The following PHACTR2 variants were observed in gnomAD, a reference collection of about 807,000 sequenced individuals.
PHACTR2 encodes chromosome 6 open reading frame 56.
In PHACTR2, 30 loss-of-function variants were observed where a neutral mutation model predicts 76.0. The observed-to-expected ratio is 0.39, with a 90% CI of 0.30 to 0.54. The LOEUF is 0.54. Among genes scored for constraint, PHACTR2 ranks in the 20% least tolerant of loss-of-function variants. PHACTR2 has a pLI of 0.61. For missense variants in PHACTR2, 696 were observed against 781.1 expected, an observed-to-expected ratio of 0.89 and a Z score of 1.30; for synonymous variants, 292 against 292.5, an observed-to-expected ratio of 1.00 and a Z score of 0.02.
At position 143,803,645 on chromosome 6, in the gene PHACTR2, C is replaced by T. The variant is rs1442810763; in HGVS notation, c.1846-3412C>T. The stretch of plus-strand genomic sequence containing the variant: ...TCTATTTTGGAAAAATCAGATTCAT[C>T]GAACGATTTTTTGGCCAACAACTGT... On this transcript the variant is annotated intron_variant, in intron 11 of 12. Transcript: ENST00000440869. This position sits in a 1 kb window ranked among gnomAD's most constrained non-coding sequence, Gnocchi z 4.7. Among the ~76,000 whole-genome samples, 4 of 152,124 alleles carry T rather than the reference C, an allele frequency of 2.6e-5. No homozygotes were observed. In the South Asian group the frequency reaches 6.2e-4, roughly 24 times the overall value.
chr6:143,545,677 A>G (rs1774981911), intron 1 of PHACTR2, among the ~76,000 whole-genome samples: 1 of 152,192 alleles, frequency 6.6e-6, no homozygotes, highest in Non-Finnish European at 1.5e-5. Flanking sequence ...TTCAAAATGC[A>G]TACTCTTTTC....
rs934027043 is a variant in PHACTR2 at position 143,823,483 on chromosome 6, G to A, written c.1923-191G>A. 7.2e-5 allele frequency among the ~76,000 whole-genome samples: 11 copies of A among 152,112 alleles called. No homozygotes were observed. The highest frequency in any genetic ancestry group is 1.5e-4 in the Non-Finnish European group (10 of 68,032). ...ATATGTAAACATATATATAAGGAAAGCGTTTATATATGCTTTCCTTAATAA... is the reference window on the plus strand; with the variant it reads ...ATATGTAAACATATATATAAGGAAAACGTTTATATATGCTTTCCTTAATAA... On this transcript the variant is annotated intron_variant, in intron 12 of 12. Transcript: ENST00000440869. The surrounding 1 kb of genome is among the most constrained non-coding windows in gnomAD (Gnocchi z 5.7).
chr6:143,744,466 G>A (rs1441683224), intron 2 of PHACTR2, among the ~76,000 whole-genome samples: 1 of 152,208 alleles, frequency 6.6e-6, no homozygotes, highest in Non-Finnish European at 1.5e-5. Context: ...GGTGACGATG[G>A]GTTTTGCAGG....
At chr6:143,716,882 A>C (rs533288358) in intron 2 of PHACTR2, among the ~76,000 whole-genome samples, 1 of 152,296 alleles carries the variant, frequency 6.6e-6, no homozygotes, top group South Asian at 2.1e-4. Flanking sequence ...GTGGCCCAAC[A>C]TGTGTGGATC....
chr6:143,682,091 A>C (rs897687711), intron 1 of PHACTR2, among the ~76,000 whole-genome samples: 1 of 152,230 alleles, frequency 6.6e-6, no homozygotes, highest in African/African-American at 2.4e-5. Flanking sequence ...TCAACCTGTC[A>C]ATTTCTGCAA....
chr6:143,767,044 G>T lies in PHACTR2; in HGVS notation c.1232+1246G>T, dbSNP rs1779578335. Among the ~76,000 whole-genome samples the T allele has an allele frequency of 6.6e-6, 1 of 152,122 alleles. No homozygotes were observed. Among genetic ancestry groups the T allele is most frequent in the Non-Finnish European group, 1.5e-5 (1 of 68,028 alleles). On this transcript the variant is annotated intron_variant, in intron 6 of 12. Coordinates refer to ENST00000440869, the MANE Select transcript of PHACTR2 (RefSeq NM_001100164.2). The surrounding 1 kb of genome is among the most constrained non-coding windows in gnomAD (Gnocchi z 4.4). ...AAAAATTATTACATTAATTAGGTTGGTTTTGGTCAAGAAACTAAAATATCA... is the reference window on the plus strand; with the variant it reads ...AAAAATTATTACATTAATTAGGTTGTTTTTGGTCAAGAAACTAAAATATCA...
In PHACTR2 at chr6:143,672,606, C is replaced by A. The variant is rs1341310768; in HGVS notation, c.14-39410C>A. ...GCACCTTCAGAATGAATGAGCACCT[C>A]TGTGTGGCAAAAATGTGGATTTAGT... On this transcript the variant is annotated intron_variant, in intron 1 of 11. Coordinates refer to the PHACTR2 transcript ENST00000305766. The surrounding 1 kb of genome is among the most constrained non-coding windows in gnomAD (Gnocchi z 5.8). Among the ~76,000 whole-genome samples, 1 of 152,230 alleles carries A rather than the reference C, an allele frequency of 6.6e-6. No homozygotes were observed. Among genetic ancestry groups the A allele is most frequent in the Non-Finnish European group, 1.5e-5 (1 of 68,034 alleles).
chr6:143,715,690 G>C (rs557210906), intron 2 of PHACTR2, among the ~76,000 whole-genome samples: 3 of 152,208 alleles, frequency 2.0e-5, no homozygotes, highest in Admixed American at 6.5e-5. Flanking sequence ...AAGAGGGAGT[G>C]GAAAAGTACT....
At chr6:143,699,282 C>T (rs1425471438) in intron 1 of PHACTR2, among the ~76,000 whole-genome samples, 1 of 152,158 alleles carries the variant, frequency 6.6e-6, no homozygotes, top group Non-Finnish European at 1.5e-5. Context: ...CTTCTTCTTT[C>T]TTGCATCTTC....
chr6:143,665,779 AT>A (rs1777022408), intron 1 of PHACTR2, among the ~76,000 whole-genome samples: 4 of 152,172 alleles, frequency 2.6e-5, no homozygotes, highest in African/African-American at 4.8e-5. Context: ...AGCCACAGTG[AT>A]TTTTAAAACA....
intron 1 of PHACTR2, among the ~76,000 whole-genome samples, chr6:143,564,863 T>C (rs1339003623): frequency 6.6e-6 from 1 of 152,066 alleles, no homozygotes; most frequent in Non-Finnish European, 1.5e-5. Context: ...TAATGGGAAA[T>C]GTATTGATTG....
chr6:143,623,624 T>C lies in PHACTR2; in HGVS notation c.13+15302T>C, dbSNP rs1776200065. Among the ~76,000 whole-genome samples, 1 of 152,000 alleles carries C rather than the reference T, an allele frequency of 6.6e-6. No homozygotes were observed. The highest frequency in any genetic ancestry group is 2.4e-5 in the African/African-American group (1 of 41,348). ...ATAATAATACCAAATGAGAGAGAAA[T>C]AATTCTGAACTCTTGTTGAAAATCA... On this transcript the variant is annotated intron_variant, in intron 1 of 11. Transcript: ENST00000305766. This position sits in a 1 kb window ranked among gnomAD's most constrained non-coding sequence, Gnocchi z 5.9.
At position 143,795,044 on chromosome 6, in the gene PHACTR2, C is replaced by T. The variant is rs1388059459; in HGVS notation, c.1845+6134C>T. On this transcript the variant is annotated intron_variant, in intron 11 of 12. Coordinates refer to ENST00000440869, the MANE Select transcript of PHACTR2 (RefSeq NM_001100164.2). The surrounding 1 kb of genome is among the most constrained non-coding windows in gnomAD (Gnocchi z 4.8). ...AATCTGGTAGTCTGGTTAAATGGCT[C>T]ATGTTGGAAAAGAGAAGTGGTGGGA... is the stretch of plus-strand genomic sequence containing the variant. Among the ~76,000 whole-genome samples, 1 of 152,072 alleles carries T rather than the reference C, an allele frequency of 6.6e-6. No individual in the cohort carries two copies. Among genetic ancestry groups the T allele is most frequent in the East Asian group, 1.9e-4 (1 of 5,192 alleles).
At position 143,591,354 on chromosome 6, in the gene PHACTR2, A is replaced by G. The variant is rs188902022; in HGVS notation, c.217+54147A>G. Among the ~76,000 whole-genome samples, 448 of 152,320 alleles carry G rather than the reference A, an allele frequency of 2.9e-3. 1 individual carries two copies. The highest frequency in any genetic ancestry group is 0.024 in the Middle Eastern group (7 of 294). On this transcript the variant is annotated intron_variant, in intron 1 of 11. Transcript: ENST00000367584. The surrounding 1 kb of genome is among the most constrained non-coding windows in gnomAD (Gnocchi z 6.4). ...ACTCTGGAATGACCCTGCATCAAGC[A>G]TGTTGAGAAAGAAAGAGAAACTTCC...
chr6:143,594,587 A>C (rs914043451), intron 1 of PHACTR2, among the ~76,000 whole-genome samples: 5 of 152,190 alleles, frequency 3.3e-5, no homozygotes, highest in African/African-American at 1.2e-4. Context: ...ATTCAGCCCC[A>C]CTCCTTCTCT....
intron 2 of PHACTR2, among the ~76,000 whole-genome samples, chr6:143,720,946 TG>T (rs1778428745): frequency 6.6e-6 from 1 of 152,208 alleles, no homozygotes. Context: ...TGCAGCTCCA[TG>T]GCTCCTAACA....
rs1388392105 is a variant in PHACTR2 at position 143,589,523 on chromosome 6, C to T, written c.217+52316C>T. ...TTTTTCTTTATTAATTACTCAGTCT[C>T]AGGTAGTTCTTGCAATGCGAGAACA... On this transcript the variant is annotated intron_variant, in intron 1 of 11. Coordinates refer to the PHACTR2 transcript ENST00000367584. The surrounding 1 kb of genome is among the most constrained non-coding windows in gnomAD (Gnocchi z 4.4). Among the ~76,000 whole-genome samples the T allele has an allele frequency of 6.6e-6, 1 of 152,116 alleles. No homozygotes were observed. The highest frequency in any genetic ancestry group is 1.5e-5 in the Non-Finnish European group (1 of 68,024).
At position 143,698,013 on chromosome 6, in the gene PHACTR2, T is replaced by C. The variant is rs1164107448; in HGVS notation, c.47-14003T>C. Among the ~76,000 whole-genome samples, 1 of 152,194 alleles carries C rather than the reference T, an allele frequency of 6.6e-6. No homozygotes were observed. The highest frequency in any genetic ancestry group is 1.5e-5 in the Non-Finnish European group (1 of 68,026). The stretch of plus-strand genomic sequence containing the variant: ...ATCATTTTTATGGTTTCTGAAAACA[T>C]TGGTGAATTGCAACTGGCTATTCTG... On this transcript the variant is annotated intron_variant, in intron 1 of 12. Coordinates refer to ENST00000440869, the MANE Select transcript of PHACTR2 (RefSeq NM_001100164.2). The surrounding 1 kb of genome is among the most constrained non-coding windows in gnomAD (Gnocchi z 4.3).
chr6:143,586,847 C>T (rs943744603), intron 1 of PHACTR2, among the ~76,000 whole-genome samples: 10 of 152,198 alleles, frequency 6.6e-5, no homozygotes, highest in African/African-American at 2.4e-4. Context: ...AGTCCTCAAT[C>T]TGGTCCAGTG....
Sources: allele counts gnomAD v4.1 joint callset (sites outside exome capture counted in the v4.1 genomes callset), GRCh38; gene constraint gnomAD v4.1.1; non-coding constraint Gnocchi (gnomAD v3.1); transcripts MANE v1.5; gene names NCBI Gene and HGNC (gene_info 2026-07-23, HGNC 2026-07-21).